The following NAALAD2 variants were observed in gnomAD, a reference collection of about 807,000 sequenced individuals.
NAALAD2 encodes the protein N-acetylated alpha-linked acidic dipeptidase 2.
Under a neutral mutation model 95.6 loss-of-function variants are expected in NAALAD2, and 89 were observed. The observed-to-expected ratio is 0.93, with a 90% CI of 0.78 to 1.11. The LOEUF (loss-of-function observed/expected upper bound fraction) is 1.11, where lower values mean the gene tolerates loss of function less well. NAALAD2 is among the 50% of genes least tolerant of loss of function. The pLI is 0.00. For missense variants in NAALAD2, 894 were observed against 872.4 expected (o/e 1.02, Z -0.31); for synonymous variants, 264 against 294.4 (o/e 0.90, Z 1.06).
intron 8 of NAALAD2, chr11:90,162,509 A>G (rs1805049025): frequency 6.6e-6 from 1 of 151,932 alleles, no homozygotes; most frequent in Non-Finnish European, 1.5e-5. Context: ...ATAAATATAA[A>G]TAGATACATT....
intron 6 of NAALAD2, among the ~76,000 whole-genome samples, chr11:90,154,904 G>T (rs572478954): frequency 2.0e-5 from 2 of 102,252 alleles, no homozygotes; most frequent in Non-Finnish European, 3.6e-5. Context: ...TATTATATAC[G>T]TATACATATG....
At chr11:90,187,391 A>G (rs1267025127) in intron 18 of NAALAD2, among the ~76,000 whole-genome samples, 2 of 152,048 alleles carry the variant, frequency 1.3e-5, no homozygotes. Context: ...ACTTTGAACT[A>G]TTAGCTGAAT....
rs1420145204 is a variant in NAALAD2 at position 90,192,195 on chromosome 11, T to C, written c.*448T>C. On this transcript the variant is annotated 3_prime_UTR_variant, in exon 19 of 19. Coordinates refer to ENST00000534061, the MANE Select transcript of NAALAD2 (RefSeq NM_005467.4). The stretch of plus-strand genomic sequence containing the variant: ...ACAGCAATACTTGTATGCATGTTCA[T>C]TGCAACTTAAAAGCGTAAAAACCCC... 3.9e-5 allele frequency: 6 copies of C among 152,274 alleles called. No homozygotes were observed. Among genetic ancestry groups the C allele is most frequent in the Non-Finnish European group, 8.8e-5 (6 of 68,004 alleles). 9.4% of individuals were successfully genotyped at this position (152,274 alleles called of 1,614,324 possible). A position where few individuals can be genotyped will look rare whatever the true frequency, so the allele number is the denominator to read the frequency against.
intron 2 of NAALAD2, among the ~76,000 whole-genome samples, chr11:90,139,783 A>G (rs1459156264): frequency 6.6e-6 from 1 of 152,148 alleles, no homozygotes; most frequent in Non-Finnish European, 1.5e-5. Flanking sequence ...ACAAGAAAAA[A>G]AGGTAATTTG....
intron 12 of NAALAD2, chr11:90,169,807 T>A (rs1952581194): frequency 2.6e-6 from 1 of 386,746 alleles, no homozygotes; most frequent in African/African-American, 2.1e-5. Flanking sequence ...ATTGCTGCCA[T>A]GAGAATGACC....
intron 15 of NAALAD2, among the ~76,000 whole-genome samples, chr11:90,177,603 T>C (rs1333124760): frequency 1.2e-5 from 1 of 85,364 alleles, no homozygotes; most frequent in African/African-American, 5.2e-5. Flanking sequence ...TTTTTTTTTT[T>C]TTTTTTTTTT....
At chr11:90,157,015 G>A (rs957879822) in intron 6 of NAALAD2, among the ~76,000 whole-genome samples, 2 of 152,016 alleles carry the variant, frequency 1.3e-5, no homozygotes, top group African/African-American at 4.8e-5. Flanking sequence ...CCCAGAATAT[G>A]GTCTCTGTAA....
chr11:90,159,933 A>G (rs1264394345), intron 8 of NAALAD2, among the ~76,000 whole-genome samples: 2 of 146,726 alleles, frequency 1.4e-5, no homozygotes, highest in African/African-American at 5.2e-5. Flanking sequence ...GAGCCTGGCC[A>G]ACAAGACTGA....
At chr11:90,185,756 A>G (rs1369255132) in intron 18 of NAALAD2, among the ~76,000 whole-genome samples, 3 of 151,964 alleles carry the variant, frequency 2.0e-5, no homozygotes, top group South Asian at 4.1e-4. Flanking sequence ...ATTTACTATT[A>G]TGAAAAGTAA....
chr11:90,178,817 T>C (rs777417679), intron 16 of NAALAD2, among the ~76,000 whole-genome samples: 1 of 152,222 alleles, frequency 6.6e-6, no homozygotes, highest in African/African-American at 2.4e-5. Flanking sequence ...TATCTTTTAG[T>C]GTTTGTCTAT....
intron 11 of NAALAD2, among the ~76,000 whole-genome samples, chr11:90,165,541 A>C (rs962533637): frequency 6.6e-6 from 1 of 152,214 alleles, no homozygotes; most frequent in Non-Finnish European, 1.5e-5. Context: ...TTAAAATACT[A>C]TAATAGGAAT....
chr11:90,161,472 G>C (rs1191313774), intron 8 of NAALAD2, among the ~76,000 whole-genome samples: 1 of 152,044 alleles, frequency 6.6e-6, no homozygotes. Flanking sequence ...CTATGCCCCG[G>C]GAACCATTCT....
At chr11:90,170,738 G>A (rs1307849232) in intron 13 of NAALAD2, among the ~76,000 whole-genome samples, 1 of 152,170 alleles carries the variant, frequency 6.6e-6, no homozygotes, top group Non-Finnish European at 1.5e-5. Flanking sequence ...CAGAGTCACT[G>A]ATGTTTGGAC....
rs576862096 is a variant in NAALAD2, at chr11:90,192,517, G to A, written c.*770G>A. ...TTTCTCCAATAGATGAGAATTTTCC[G>A]TATCTTGATCTGAGTGGCAAATTGT... is the stretch of plus-strand genomic sequence containing the variant. On this transcript the variant is annotated 3_prime_UTR_variant, in exon 19 of 19. Transcript: ENST00000534061. The A allele has an allele frequency of 7.2e-5, 11 of 151,954 alleles. No homozygotes were observed. The highest frequency in any genetic ancestry group is 1.2e-4 in the African/African-American group (5 of 41,420). The allele number at this position is 151,954 out of a possible 1,614,324, so 9.4% of individuals were successfully genotyped here.
rs77959432 is a variant in NAALAD2, at chr11:90,164,793, T to C, written c.1278+1176T>C. 8.6e-3 allele frequency among the ~76,000 whole-genome samples: 1,316 copies of C among 152,264 alleles called. 24 individuals are homozygous for C. The highest frequency in any genetic ancestry group is 0.03 in the African/African-American group (1,255 of 41,538). ...TTATTTGAAAAACTATTTTAAAAAC[T>C]AGGTGAAGAGAGAATTTTGAAAAAC... On this transcript the variant is annotated intron_variant, in intron 11 of 18. Coordinates refer to ENST00000534061, the MANE Select transcript of NAALAD2 (RefSeq NM_005467.4).
At chr11:90,137,118 A>G (rs1797871381) in intron 2 of NAALAD2, among the ~76,000 whole-genome samples, 1 of 152,166 alleles carries the variant, frequency 6.6e-6, no homozygotes, top group Admixed American at 6.6e-5. Flanking sequence ...AGAAAGACAC[A>G]TATTGCATGA....
At chr11:90,166,994 A>T (rs1480640878) in intron 11 of NAALAD2, among the ~76,000 whole-genome samples, 1 of 152,202 alleles carries the variant, frequency 6.6e-6, no homozygotes. Flanking sequence ...TATTAAAAAT[A>T]CAAAAATTAG....
chr11:90,167,412 T>TGCCTGA (rs1952498748), intron 11 of NAALAD2, among the ~76,000 whole-genome samples: 1 of 152,166 alleles, frequency 6.6e-6, no homozygotes, highest in African/African-American at 2.4e-5. Flanking sequence ...CAGCCCACCA[T>TGCCTGA]GCCTGAGCCT....
intron 13 of NAALAD2, among the ~76,000 whole-genome samples, chr11:90,173,299 C>G (rs1213564436): frequency 1.3e-5 from 2 of 152,050 alleles, no homozygotes; most frequent in African/African-American, 4.8e-5. Flanking sequence ...ATAAGACTGT[C>G]TAAAAGAATA....
Sources: allele counts gnomAD v4.1 joint callset (sites outside exome capture counted in the v4.1 genomes callset), GRCh38; gene constraint gnomAD v4.1.1; transcripts MANE v1.5; gene names NCBI Gene and HGNC (gene_info 2026-07-23, HGNC 2026-07-21).